Variants in GRM1 observed in about 807,000 individuals in gnomAD.
GRM1 encodes metabotropic glutamate receptor 1.
A neutral mutation model predicts 90.9 loss-of-function variants in GRM1; 33 were observed. The ratio of observed to expected loss-of-function variants is 0.36; its 90% CI spans 0.28 to 0.49. The LOEUF (loss-of-function observed/expected upper bound fraction) is 0.49. Among genes scored for constraint, GRM1 ranks in the 20% least tolerant of loss-of-function variants. The probability of loss-of-function intolerance (pLI) is 0.99; values close to 1 mark genes in which losing one functional copy is unlikely to be tolerated. For missense variants in GRM1, 1,190 were observed against 1,534.3 expected (o/e 0.78, Z 3.75); for synonymous variants, 700 against 613.2 (o/e 1.14, Z -2.09).
At chr6:146,265,277 G>A (rs1437747414) in intron 2 of GRM1, among the ~76,000 whole-genome samples, 1 of 152,152 alleles carries the variant, frequency 6.6e-6, no homozygotes, top group African/African-American at 2.4e-5. Flanking sequence ...TTTCTGTGAT[G>A]ATTAGTAATG....
intron 1 of GRM1, among the ~76,000 whole-genome samples, chr6:146,138,636 T>C (rs1776717382): frequency 6.6e-6 from 1 of 152,164 alleles, no homozygotes; most frequent in Non-Finnish European, 1.5e-5. Flanking sequence ...TTTATTTATT[T>C]CTTCTAGGTT....
intron 2 of GRM1, among the ~76,000 whole-genome samples, chr6:146,226,819 C>T (rs1360387461): frequency 6.6e-6 from 1 of 152,096 alleles, no homozygotes; most frequent in African/African-American, 2.4e-5. Flanking sequence ...CTGTTGATCT[C>T]TGAACACAAG....
chr6:146,322,220 C>A (rs1027128974), intron 3 of GRM1, among the ~76,000 whole-genome samples: 4 of 152,204 alleles, frequency 2.6e-5, no homozygotes, highest in Non-Finnish European at 5.9e-5. Context: ...CTGGGTATTA[C>A]CAGCAGAGGC....
chr6:146,314,901 A>G (rs1338135071), intron 3 of GRM1, among the ~76,000 whole-genome samples: 1 of 152,150 alleles, frequency 6.6e-6, no homozygotes, highest in African/African-American at 2.4e-5. Flanking sequence ...CAATTTCCTG[A>G]GTATGTTCCC....
intron 1 of GRM1, among the ~76,000 whole-genome samples, chr6:146,120,820 G>T (rs1302469710): frequency 1.3e-5 from 2 of 152,048 alleles, no homozygotes; most frequent in Non-Finnish European, 2.9e-5. Flanking sequence ...CTTTTTGATG[G>T]CTGCTGGATT....
intron 7 of GRM1, among the ~76,000 whole-genome samples, chr6:146,427,575 C>T (rs962896447): frequency 6.6e-6 from 1 of 152,196 alleles, no homozygotes; most frequent in African/African-American, 2.4e-5. Context: ...ACATCTCTTC[C>T]CTTCACTCAG....
chr6:146,426,498 A>T, intron 7 of GRM1: 1 of 1,504,672 alleles, frequency 6.6e-7, no homozygotes. Flanking sequence ...TGGACTTGCC[A>T]TATCTGTACA....
At chr6:146,186,122 C>A (rs1298172162) in intron 2 of GRM1, among the ~76,000 whole-genome samples, 1 of 130,194 alleles carries the variant, frequency 7.7e-6, no homozygotes, top group Non-Finnish European at 1.7e-5. Context: ...TATTTATTTT[C>A]ATTTTTATTT....
intron 2 of GRM1, among the ~76,000 whole-genome samples, chr6:146,175,938 C>A (rs529703708): frequency 1.3e-5 from 2 of 152,132 alleles, no homozygotes; most frequent in East Asian, 1.9e-4. Context: ...TTTGGGGAAA[C>A]CTCTAACCCT....
intron 7 of GRM1, among the ~76,000 whole-genome samples, chr6:146,407,783 G>A (rs1348125059): frequency 1.3e-5 from 2 of 152,042 alleles, no homozygotes; most frequent in Admixed American, 6.6e-5. Flanking sequence ...CTCTAAGTTT[G>A]TTACCTCAAT....
At chr6:146,203,284 C>T (rs1039285972) in intron 2 of GRM1, among the ~76,000 whole-genome samples, 2 of 151,842 alleles carry the variant, frequency 1.3e-5, no homozygotes, top group South Asian at 2.1e-4. Flanking sequence ...AGTTTATTTC[C>T]TGGTCATGTA....
intron 7 of GRM1, among the ~76,000 whole-genome samples, chr6:146,407,331 A>G (rs1056872148): frequency 6.6e-6 from 1 of 152,184 alleles, no homozygotes; most frequent in African/African-American, 2.4e-5. Context: ...TTCTCTTGCA[A>G]ATAACACACT....
intron 2 of GRM1, among the ~76,000 whole-genome samples, chr6:146,223,874 A>T (rs1780152322): frequency 6.6e-6 from 1 of 152,116 alleles, no homozygotes; most frequent in South Asian, 2.1e-4. Flanking sequence ...GTGAGTTTTA[A>T]TTTTAAATAT....
intron 2 of GRM1, among the ~76,000 whole-genome samples, chr6:146,168,892 A>C (rs565539578): frequency 6.6e-6 from 1 of 152,152 alleles, no homozygotes; most frequent in Non-Finnish European, 1.5e-5. Context: ...TATCACTAGT[A>C]TTGAGTCATT....
intron 2 of GRM1, among the ~76,000 whole-genome samples, chr6:146,266,491 A>G (rs916735274): frequency 1.3e-5 from 2 of 152,204 alleles, no homozygotes; most frequent in South Asian, 4.1e-4. Context: ...TCATCCAACA[A>G]GAATGAATTG....
At chr6:146,365,796 G>A (rs1167860984) in intron 5 of GRM1, among the ~76,000 whole-genome samples, 2 of 152,064 alleles carry the variant, frequency 1.3e-5, no homozygotes, top group Admixed American at 6.6e-5. Context: ...TGGTAACCCC[G>A]TATTTCAGGT....
chr6:146,278,862 C>T (rs999213559), intron 2 of GRM1, among the ~76,000 whole-genome samples: 8 of 152,102 alleles, frequency 5.3e-5, no homozygotes, highest in South Asian at 2.1e-4. Context: ...CTAGAGGTTA[C>T]GCCCGGCTAA....
chr6:146,247,665 C>T (rs1781107124), intron 2 of GRM1, among the ~76,000 whole-genome samples: 1 of 148,726 alleles, frequency 6.7e-6, no homozygotes, highest in Admixed American at 6.8e-5. Context: ...GCAGGAGAAT[C>T]ATTAGGACCC....
At chr6:146,325,970 A>G (rs1020298533) in intron 3 of GRM1, among the ~76,000 whole-genome samples, 14 of 152,204 alleles carry the variant, frequency 9.2e-5, no homozygotes, top group African/African-American at 3.4e-4. Flanking sequence ...TTTTAAAACC[A>G]TGTCCTTAGC....
Sources: allele counts gnomAD v4.1 joint callset (sites outside exome capture counted in the v4.1 genomes callset), GRCh38; gene constraint gnomAD v4.1.1; transcripts MANE v1.5; gene names NCBI Gene and HGNC (gene_info 2026-07-23, HGNC 2026-07-21).